Variants in KRIT1 observed in about 807,000 individuals in gnomAD.
KRIT1 encodes the protein krev interaction trapped protein 1.
Under a neutral mutation model 95.8 loss-of-function variants are expected in KRIT1, and 45 were observed. That is an observed-to-expected ratio of 0.47 (90% CI 0.37 to 0.60). The LOEUF (loss-of-function observed/expected upper bound fraction) is 0.60. KRIT1 is among the 20% of genes least tolerant of loss of function. The pLI, the probability that KRIT1 is intolerant of heterozygous loss-of-function variation, is 0.00. For missense variants in KRIT1, 788 were observed against 877.5 expected, an observed-to-expected ratio of 0.90 and a Z score of 1.29; for synonymous variants, 282 against 278.8, an observed-to-expected ratio of 1.01 and a Z score of -0.11.
intron 17 of KRIT1, chr7:92,206,484 T>C (rs1791518525): frequency 6.6e-6 from 1 of 152,178 alleles, no homozygotes; most frequent in African/African-American, 2.4e-5. Context: ...TCATTAAAGC[T>C]GAAGAAATCA....
intron 17 of KRIT1, among the ~76,000 whole-genome samples, chr7:92,210,272 ACTAT>A (rs1207588542): frequency 1.3e-5 from 2 of 152,202 alleles, no homozygotes; most frequent in Non-Finnish European, 2.9e-5. Context: ...GAGGCATCAC[ACTAT>A]CTAATTTCAA....
At chr7:92,230,354 A>G (rs1241441364) in intron 10 of KRIT1, among the ~76,000 whole-genome samples, 3 of 152,184 alleles carry the variant, frequency 2.0e-5, no homozygotes, top group Non-Finnish European at 2.9e-5. Flanking sequence ...GTGTTTCCAC[A>G]GCAATGATAA....
chr7:92,225,783 T>G lies in KRIT1; in HGVS notation c.1191A>C (p.Glu397Asp). ...QQGRSPLNIC[E>D]ENKQNNWEEA... ...CTTCCCAGTTGTTTTGTTTGTTTTC[T>G]TCACAAATATTTAATGGAGATCTTC... The change falls in exon 12 of 19, where the codon GAA becomes GAC. Residue 397 changes from glutamate to aspartate, a missense_variant. Physicochemically the swap from Glu to Asp is conservative, Grantham distance 45. Transcript: ENST00000394505. The G allele has an allele frequency of 6.2e-7, 1 of 1,611,436 alleles. No individual in the cohort carries two copies. The highest frequency in any genetic ancestry group is 1.1e-5 in the South Asian group (1 of 91,040).
intron 7 of KRIT1, 25 bp from the exon 8 acceptor site, chr7:92,235,671 A>G: frequency 1.2e-6 from 2 of 1,612,254 alleles, no homozygotes; most frequent in East Asian, 2.2e-5. Context: ...AAACAGGTAG[A>G]AGTAGCCATT....
At chr7:92,228,263 T>A (rs938952465) in intron 10 of KRIT1, among the ~76,000 whole-genome samples, 1 of 152,210 alleles carries the variant, frequency 6.6e-6, no homozygotes, top group African/African-American at 2.4e-5. Flanking sequence ...GTACAATGCA[T>A]ACGCACACAG....
At chr7:92,240,855 A>C in intron 5 of KRIT1, 138 bp downstream of exon 5, 1 of 735,816 alleles carries the variant, frequency 1.4e-6, no homozygotes, top group Non-Finnish European at 2.3e-6. Context: ...TACCTTAAAA[A>C]ACACTTGAGT....
intron 11 of KRIT1, among the ~76,000 whole-genome samples, chr7:92,226,195 G>T (rs545752264): frequency 2.0e-5 from 3 of 151,850 alleles, no homozygotes; most frequent in Non-Finnish European, 4.4e-5. Context: ...ATGAAAAGAG[G>T]TTAAATTCTA....
Position 92,234,496 on chromosome 7 carries a change from G to A in KRIT1, c.942C>T (p.Val314=), listed in dbSNP as rs1475807014. The A allele has an allele frequency of 6.2e-7, 1 of 1,610,634 alleles. No individual in the cohort carries two copies. The highest frequency in any genetic ancestry group is 2.2e-5 in the East Asian group (1 of 44,852). ...CCCAGTGGTCACTATCTAACTGGTT[G>A]ACTGAAAATCTTTCACTGAGAAGAC... ...LSRLLSERFS[V]NQLDSDHWAP... is the part of the protein sequence containing the mutation. The change falls in exon 10 of 19, where the codon GTC becomes GTT. Residue 314 remains valine (V), a synonymous_variant. Transcript: ENST00000394505.
chr7:92,204,717 G>A (rs1291550637), intron 17 of KRIT1, among the ~76,000 whole-genome samples: 1 of 152,070 alleles, frequency 6.6e-6, no homozygotes, highest in East Asian at 1.9e-4. Flanking sequence ...GAGCTCAGAT[G>A]GTAATGCAAG....
intron 10 of KRIT1, among the ~76,000 whole-genome samples, chr7:92,227,244 AG>A (rs1034828231): frequency 8.5e-5 from 13 of 152,214 alleles, no homozygotes; most frequent in African/African-American, 2.9e-4. Context: ...GTAAAATTTA[AG>A]TATGGTAATG....
intron 5 of KRIT1, 146 bp downstream of exon 5, chr7:92,240,847 C>A: frequency 1.4e-6 from 1 of 692,720 alleles, no homozygotes; most frequent in Admixed American, 2.5e-5. Flanking sequence ...CTTGGGTGTA[C>A]CTTAAAAAAC....
rs1472862800 is a variant in KRIT1 at position 92,199,646 on chromosome 7, C to G, written c.*1090G>C. 6.6e-6 allele frequency: 1 copy of G among 152,194 alleles called. No homozygotes were observed. The highest frequency in any genetic ancestry group is 2.4e-5 in the African/African-American group (1 of 41,458). The allele number at this position is 152,194 out of a possible 1,614,324, so 9.4% of individuals were successfully genotyped here. ...GCAACTTCTAATATCAAGAGATTAT[C>G]ACTTAAAATGTGTCTATGTATGTGT... is the stretch of plus-strand genomic sequence containing the variant. On this transcript the variant is annotated 3_prime_UTR_variant, in exon 19 of 19. Coordinates refer to ENST00000394505, the MANE Select transcript of KRIT1 (RefSeq NM_194454.3).
intron 3 of KRIT1, 159 bp from the exon 4 acceptor site, chr7:92,242,296 C>A (rs888358332): frequency 3.3e-6 from 2 of 607,338 alleles, no homozygotes; most frequent in Admixed American, 5.6e-5. Context: ...CTAGAATATA[C>A]AGTGCCTAAA....
Position 92,234,938 on chromosome 7 carries a change from C to T in KRIT1, c.730-15G>A. On this transcript the variant is annotated splice_polypyrimidine_tract_variant and intron_variant, in intron 8 of 18. Transcript: ENST00000394505. Reference sequence around the variant, plus strand: ...ACTTTATCTACCTAGAAAGGGAAAACAATAACAAAAACCCATTAAGAGCTT... The same window carrying T: ...ACTTTATCTACCTAGAAAGGGAAAATAATAACAAAAACCCATTAAGAGCTT... 1 of 1,197,750 alleles carries T rather than the reference C, an allele frequency of 8.3e-7. No individual in the cohort carries two copies. Among genetic ancestry groups the T allele is most frequent in the Non-Finnish European group, 1.2e-6 (1 of 800,388 alleles). The allele number at this position is 1,197,750 out of a possible 1,614,324, so 74.2% of individuals were successfully genotyped here. A position where few individuals can be genotyped will look rare whatever the true frequency, so the allele number is the denominator to read the frequency against.
rs1449265064 is a variant in KRIT1 at position 92,214,759 on chromosome 7, T to C, written c.1582A>G (p.Ile528Val). ...VEKQIEDPLA[I>V]LILFDEARYN... is the part of the protein sequence containing the mutation. The stretch of plus-strand genomic sequence containing the variant: ...CTGGCTTCATCAAAGAGAATAAGAA[T>C]AGCTAGTGGGTCTTCAATCTTAAAG... The change falls in exon 15 of 19, where the codon ATT becomes GTT. Residue 528 changes from isoleucine (I) to valine (V), a missense_variant. Coordinates refer to ENST00000394505, the MANE Select transcript of KRIT1 (RefSeq NM_194454.3). 6.2e-7 allele frequency: 1 copy of C among 1,602,670 alleles called. No homozygotes were observed. Among genetic ancestry groups the C allele is most frequent in the Non-Finnish European group, 8.5e-7 (1 of 1,169,806 alleles).
At chr7:92,238,924 T>C (rs1258053173) in intron 5 of KRIT1, among the ~76,000 whole-genome samples, 1 of 152,216 alleles carries the variant, frequency 6.6e-6, no homozygotes. Context: ...TGATGGTGCT[T>C]TGTAAATGAC....
intron 4 of KRIT1, among the ~76,000 whole-genome samples, chr7:92,241,672 T>C (rs1390056393): frequency 1.3e-5 from 2 of 152,194 alleles, no homozygotes; most frequent in Admixed American, 1.3e-4. Context: ...TTAAAACGAA[T>C]TGTTAAAAAT....
chr7:92,232,931 G>A (rs1563296447), intron 10 of KRIT1, among the ~76,000 whole-genome samples: 1 of 152,056 alleles, frequency 6.6e-6, no homozygotes, highest in Non-Finnish European at 1.5e-5. Context: ...CTGACCTCGT[G>A]ATCCGCCCAC....
intron 17 of KRIT1, chr7:92,205,940 T>C (rs934034231): frequency 6.6e-6 from 1 of 151,974 alleles, no homozygotes; most frequent in Non-Finnish European, 1.5e-5. Context: ...TTGAAAAGGG[T>C]CTAACCCACC....
Sources: gnomAD v4.1 joint callset for allele counts (sites outside exome capture counted in the v4.1 genomes callset) on GRCh38, gnomAD v4.1.1 for gene constraint, MANE v1.5 for transcripts, NCBI Gene and HGNC (gene_info 2026-07-23, HGNC 2026-07-21) for gene names.